SOX5: variants seen among roughly 807,000 people sequenced by gnomAD.
SOX5 encodes the protein SRY-box transcription factor 5.
A neutral mutation model predicts 92.0 loss-of-function variants in SOX5; 9 were observed. The ratio of observed to expected loss-of-function variants is 0.10; its 90% CI spans 0.06 to 0.17. The LOEUF is 0.17. SOX5 is among the 10% of genes least tolerant of loss of function. The pLI, the probability that SOX5 is intolerant of heterozygous loss-of-function variation, is 1.00. For synonymous variants in SOX5, 344 were observed against 336.3 expected, an observed-to-expected ratio of 1.02 and a Z score of -0.25; for missense variants, 642 against 944.5, an observed-to-expected ratio of 0.68 and a Z score of 4.20.
At chr12:23,548,139 C>A (rs1429690114) in intron 11 of SOX5, among the ~76,000 whole-genome samples, 1 of 152,052 alleles carries the variant, frequency 6.6e-6, no homozygotes, top group Non-Finnish European at 1.5e-5. Context: ...TTTGATTTAA[C>A]AGTATAGGGC....
intron 6 of SOX5, among the ~76,000 whole-genome samples, chr12:23,676,415 G>A (rs1015533675): frequency 5.3e-5 from 8 of 152,052 alleles, no homozygotes; most frequent in African/African-American, 1.9e-4. Context: ...TTATACTCAA[G>A]AACAAGTTTT....
intron 4 of SOX5, among the ~76,000 whole-genome samples, chr12:24,086,613 T>C (rs747315211): frequency 1.3e-5 from 2 of 151,998 alleles, no homozygotes; most frequent in Non-Finnish European, 2.9e-5. Flanking sequence ...GGTACTGATA[T>C]TTCACCTACA....
At chr12:24,101,456 A>G (rs1356991153) in intron 4 of SOX5, among the ~76,000 whole-genome samples, 2 of 152,022 alleles carry the variant, frequency 1.3e-5, no homozygotes, top group African/African-American at 2.4e-5. Context: ...TCAATCTACA[A>G]TTACCTTTTT....
intron 4 of SOX5, among the ~76,000 whole-genome samples, chr12:24,068,723 TATATATATATATATATATATATATACAC>T (rs1238849471): frequency 1.0e-4 from 9 of 86,494 alleles, no homozygotes; most frequent in African/African-American, 4.2e-4. Context: ...TATATATATA[TATATATATATATATATATATATATACAC>T]ACACACACAT....
In SOX5 at chr12:24,436,681, A is replaced by G. The variant is rs189187759; in HGVS notation, c.-250-68042T>C. Among the ~76,000 whole-genome samples, 609 of 152,264 alleles carry G rather than the reference A, an allele frequency of 4.0e-3. 4 individuals carry two copies. Among genetic ancestry groups the G allele is most frequent in the South Asian group, 0.027 (132 of 4,820 alleles). On this transcript the variant is annotated intron_variant, in intron 1 of 4. Transcript: ENST00000446891. ...TGAGATGACTGATGACGGGGGCTAC[A>G]CTACAGAACACATTTTCATTGTAGA...
chr12:23,796,969 G>A (rs1008290244), intron 3 of SOX5, among the ~76,000 whole-genome samples: 1 of 147,654 alleles, frequency 6.8e-6, no homozygotes, highest in Admixed American at 6.8e-5. Flanking sequence ...CTGCACAGTA[G>A]GTATTTTTAT....
At chr12:24,176,567 C>T (rs1346058033) in intron 4 of SOX5, among the ~76,000 whole-genome samples, 4 of 152,188 alleles carry the variant, frequency 2.6e-5, no homozygotes, top group Non-Finnish European at 5.9e-5. Context: ...GAGCAAATTG[C>T]CTACAATGTG....
chr12:23,613,264 A>G lies in SOX5; in HGVS notation c.1018-8731T>C, dbSNP rs550768324. Among the ~76,000 whole-genome samples the G allele has an allele frequency of 1.1e-3, 170 of 152,232 alleles. 1 individual carries two copies. The highest frequency in any genetic ancestry group is 2.6e-4 in the Non-Finnish European group (18 of 68,014). ...CCGTCTTGACAAACCTATTTTCAAA[A>G]TGACCTGGATGCAAATCAAAAGCAG... On this transcript the variant is annotated intron_variant, in intron 8 of 14. Coordinates refer to ENST00000451604, the MANE Select transcript of SOX5 (RefSeq NM_006940.6).
chr12:24,405,255 G>C (rs1343683611), intron 1 of SOX5, among the ~76,000 whole-genome samples: 3 of 152,124 alleles, frequency 2.0e-5, no homozygotes, highest in Admixed American at 6.5e-5. Flanking sequence ...AAATCACATG[G>C]TAAGTTCCAG....
Position 23,755,629 on chromosome 12 carries a change from C to G in SOX5, c.568+9G>C, listed in dbSNP as rs369232926. On this transcript the variant is annotated intron_variant, in intron 4 of 14. Transcript: ENST00000451604. ...TACATTTTGGATAAAAACAATCACA[C>G]CATATTACCTTTTATTTCGCCAAAG... is the stretch of plus-strand genomic sequence containing the variant. 6.4e-7 allele frequency: 1 copy of G among 1,571,668 alleles called. No individual in the cohort carries two copies. The highest frequency in any genetic ancestry group is 8.7e-7 in the Non-Finnish European group (1 of 1,153,676).
intron 4 of SOX5, among the ~76,000 whole-genome samples, chr12:24,140,302 G>A (rs543080547): frequency 3.3e-5 from 5 of 152,076 alleles, no homozygotes; most frequent in Admixed American, 6.6e-5. Context: ...CAGAAAAAAG[G>A]GATCTGTTGG....
intron 4 of SOX5, among the ~76,000 whole-genome samples, chr12:24,175,580 T>C (rs985697476): frequency 3.3e-5 from 5 of 152,224 alleles, no homozygotes; most frequent in African/African-American, 7.2e-5. Flanking sequence ...ATCTATAAAA[T>C]AGACTACATA....
chr12:24,185,945 C>T (rs557075944), intron 4 of SOX5, among the ~76,000 whole-genome samples: 3 of 152,104 alleles, frequency 2.0e-5, no homozygotes, highest in South Asian at 2.1e-4. Flanking sequence ...ATACCTAAGA[C>T]TATCAGAGTC....
chr12:24,520,773 C>T (rs1458841694), intron 1 of SOX5, among the ~76,000 whole-genome samples: 1 of 152,160 alleles, frequency 6.6e-6, no homozygotes, highest in Non-Finnish European at 1.5e-5. Flanking sequence ...AGATACACAT[C>T]AGCTGAAAGT....
intron 4 of SOX5, among the ~76,000 whole-genome samples, chr12:24,179,753 C>T (rs1955258723): frequency 6.6e-6 from 1 of 152,034 alleles, no homozygotes; most frequent in South Asian, 2.1e-4. Flanking sequence ...CTATGGTGTT[C>T]ATAGGTTAGA....
At chr12:24,201,655 C>A (rs141605909) in intron 4 of SOX5, among the ~76,000 whole-genome samples, 3 of 152,280 alleles carry the variant, frequency 2.0e-5, no homozygotes, top group Non-Finnish European at 4.4e-5. Flanking sequence ...AAGTTGCTAT[C>A]GATCCTTTAC....
intron 4 of SOX5, among the ~76,000 whole-genome samples, chr12:24,136,711 C>T (rs920929641): frequency 6.6e-6 from 1 of 152,202 alleles, no homozygotes; most frequent in African/African-American, 2.4e-5. Flanking sequence ...AATGACTTTC[C>T]CACTCCTTCA....
intron 4 of SOX5, among the ~76,000 whole-genome samples, chr12:24,105,441 T>C (rs1248052035): frequency 3.9e-5 from 6 of 152,082 alleles, no homozygotes; most frequent in Non-Finnish European, 1.5e-5. Context: ...CTTGGGAGAC[T>C]GAGGCAGGAT....
chr12:23,754,521 C>T (rs1347032945), intron 4 of SOX5, among the ~76,000 whole-genome samples: 1 of 151,746 alleles, frequency 6.6e-6, no homozygotes, highest in East Asian at 1.9e-4. Flanking sequence ...TTGATTAGCA[C>T]CAATTCATTT....
Sources: gnomAD v4.1 joint callset for allele counts (sites outside exome capture counted in the v4.1 genomes callset) on GRCh38, gnomAD v4.1.1 for gene constraint, MANE v1.5 for transcripts, NCBI Gene and HGNC (gene_info 2026-07-23, HGNC 2026-07-21) for gene names.